Variants in SERPINA5 observed in about 807,000 individuals in gnomAD.
The protein encoded by SERPINA5 is plasma serine protease inhibitor.
SERPINA5 carries 25 observed loss-of-function variants against 25.3 expected under a neutral mutation model. That is an observed-to-expected ratio of 0.99 (90% CI 0.72 to 1.38). The LOEUF (loss-of-function observed/expected upper bound fraction) is 1.38, where lower values mean the gene tolerates loss of function less well. Ranked by LOEUF, SERPINA5 falls within the 40% of genes most tolerant of loss-of-function variation. The probability of loss-of-function intolerance (pLI) is 0.00; values close to 1 mark genes in which losing one functional copy is unlikely to be tolerated. For missense variants in SERPINA5, 599 were observed against 509.5 expected (o/e 1.18, Z -1.69); for synonymous variants, 234 against 206.2 (o/e 1.14, Z -1.16).
In SERPINA5 at chr14:94,590,765, C is replaced by G; in HGVS notation, c.907C>G (p.Leu303Val). 6.2e-7 allele frequency: 1 copy of G among 1,613,888 alleles called. No individual in the cohort carries two copies. Among genetic ancestry groups the G allele is most frequent in the Non-Finnish European group, 8.5e-7 (1 of 1,179,858 alleles). ...CCTTTCCAGGCAGCTCGAGCTTTAC[C>G]TTCCCAAATTCTCCATTGAGGGCTC... is the stretch of plus-strand genomic sequence containing the variant. The part of the protein sequence containing the change: ...MFKKRQLELY[L>V]PKFSIEGSYQ... The change falls in exon 5 of 6, where the codon CTT (leucine) becomes GTT (valine). Residue 303 changes from leucine to valine, a missense_variant. Leu to Val is a conservative substitution (Grantham distance 32, BLOSUM62 1). Coordinates refer to ENST00000329597, the MANE Select transcript of SERPINA5 (RefSeq NM_000624.6).
rs1197464290 is a variant in SERPINA5, at chr14:94,587,915, G to A, written c.553G>A (p.Val185Met). Reference sequence around the variant, plus strand: ...GGCAAAGCAAACGAAGGGCAAGATTGTGGACTTGCTTAAGAACCTCGATAG... The same window carrying A: ...GGCAAAGCAAACGAAGGGCAAGATTATGGACTTGCTTAAGAACCTCGATAG... ...YVAKQTKGKI[V>M]DLLKNLDSNA... Residue 185 changes from valine to methionine, a missense_variant, in exon 3 of 6, where the codon GTG (valine) becomes ATG (methionine). Physicochemically the swap from Val to Met is conservative, Grantham distance 21. Transcript: ENST00000329597. The A allele has an allele frequency of 1.2e-6, 2 of 1,614,122 alleles. No individual in the cohort carries two copies. The highest frequency in any genetic ancestry group is 1.7e-6 in the Non-Finnish European group (2 of 1,180,050).
chr14:94,584,843 C>T (rs996949867), intron 2 of SERPINA5, among the ~76,000 whole-genome samples: 3 of 152,180 alleles, frequency 2.0e-5, no homozygotes, highest in African/African-American at 7.2e-5. Flanking sequence ...GGTTCCAACC[C>T]TTGGCAGGAG....
intron 2 of SERPINA5, among the ~76,000 whole-genome samples, chr14:94,586,528 G>A (rs1200138662): frequency 6.6e-6 from 1 of 152,064 alleles, no homozygotes; most frequent in Non-Finnish European, 1.5e-5. Context: ...ATTGGGTTGG[G>A]GCCCACTCTA....
Position 94,582,084 on chromosome 14 carries a change from G to A in SERPINA5, c.-18+374G>A, listed in dbSNP as rs115420321. 1.5e-3 allele frequency: 234 copies of A among 152,336 alleles called. 1 individual carries two copies. The highest frequency in any genetic ancestry group is 4.4e-3 in the African/African-American group (182 of 41,570). 9.4% of individuals were successfully genotyped at this position (152,336 alleles called of 1,614,324 possible). On this transcript the variant is annotated intron_variant, in intron 2 of 5. Transcript: ENST00000329597. ...CAATGATCCAATATTATCGGCTTCCGTGAGATAAGGGCATCTTGCCTGGAG... is the reference window on the plus strand; with the variant it reads ...CAATGATCCAATATTATCGGCTTCCATGAGATAAGGGCATCTTGCCTGGAG...
intron 2 of SERPINA5, 70 bp from the exon 3 acceptor site, chr14:94,587,276 G>A: frequency 7.3e-7 from 1 of 1,370,730 alleles, no homozygotes; most frequent in Non-Finnish European, 9.9e-7. Flanking sequence ...TGTTGGGTGG[G>A]GACATCTCTG....
intron 3 of SERPINA5, among the ~76,000 whole-genome samples, chr14:94,589,372 T>C (rs939066003): frequency 1.3e-5 from 2 of 151,546 alleles, no homozygotes; most frequent in Non-Finnish European, 2.9e-5. Flanking sequence ...CACTTGAACC[T>C]GGGAGGTGGG....
At chr14:94,584,916 T>C (rs552535435) in intron 2 of SERPINA5, among the ~76,000 whole-genome samples, 6 of 152,306 alleles carry the variant, frequency 3.9e-5, no homozygotes, top group East Asian at 3.9e-4. Flanking sequence ...CACCCACCTA[T>C]GTCCTTCAAA....
Position 94,587,471 on chromosome 14 carries a change from G to A in SERPINA5, c.109G>A (p.Gly37Ser), listed in dbSNP as rs537147547. The change falls in exon 3 of 6, where the codon GGT (glycine) becomes AGT (serine). Residue 37 changes from glycine to serine, a missense_variant. Coordinates refer to ENST00000329597, the MANE Select transcript of SERPINA5 (RefSeq NM_000624.6). Reference sequence around the variant, plus strand: ...GAAGAGAGTCGAGGACCTCCATGTAGGTGCCACGGTGGCCCCCAGCAGCAG... The same window carrying A: ...GAAGAGAGTCGAGGACCTCCATGTAAGTGCCACGGTGGCCCCCAGCAGCAG... ...MKKRVEDLHV[G>S]ATVAPSSRRD... 2.4e-5 allele frequency: 39 copies of A among 1,614,200 alleles called. No individual in the cohort carries two copies. The South Asian group carries it at 4.2e-4, about 17-fold the overall frequency.
At chr14:94,583,354 C>T (rs1232256403) in intron 2 of SERPINA5, among the ~76,000 whole-genome samples, 1 of 152,158 alleles carries the variant, frequency 6.6e-6, no homozygotes, top group Non-Finnish European at 1.5e-5. Flanking sequence ...AAGGCGGCAG[C>T]TTTAAGACCT....
At chr14:94,590,575 G>A in intron 4 of SERPINA5, 174 bp from the exon 5 acceptor site, 1 of 839,850 alleles carries the variant, frequency 1.2e-6, no homozygotes, top group Non-Finnish European at 1.8e-6. Flanking sequence ...AGCAAGGGGA[G>A]GCTCATCCTA....
intron 5 of SERPINA5, 145 bp downstream of exon 5, chr14:94,591,041 A>C: frequency 1.1e-5 from 4 of 360,240 alleles, no homozygotes; most frequent in Non-Finnish European, 1.9e-5. Flanking sequence ...ATTCAATTCC[A>C]CTCCACTCCA....
At chr14:94,590,710 C>T (rs764132453) in intron 4 of SERPINA5, 39 bp from the exon 5 acceptor site, 52 of 1,601,276 alleles carry the variant, frequency 3.2e-5, no homozygotes, top group Admixed American at 6.7e-5. Context: ...TGTGCCAATG[C>T]CCCAGAACAG....
chr14:94,581,765 C>A (rs756324333), intron 2 of SERPINA5, 55 bp downstream of exon 2: 1 of 152,046 alleles, frequency 6.6e-6, no homozygotes, highest in South Asian at 2.1e-4. Context: ...TTAAATACAG[C>A]GGGTGCTCTC....
intron 2 of SERPINA5, among the ~76,000 whole-genome samples, chr14:94,584,940 G>A (rs760542199): frequency 1.3e-5 from 2 of 152,232 alleles, no homozygotes; most frequent in African/African-American, 4.8e-5. Context: ...CTCCAGGCAA[G>A]TGCCATGGTG....
intron 2 of SERPINA5, among the ~76,000 whole-genome samples, chr14:94,586,355 G>A (rs1885083965): frequency 1.3e-5 from 2 of 152,192 alleles, no homozygotes; most frequent in African/African-American, 4.8e-5. Context: ...AACTCTGGAA[G>A]CTGGAAGTCT....
intron 4 of SERPINA5, 107 bp from the exon 5 acceptor site, chr14:94,590,642 T>C: frequency 7.5e-7 from 1 of 1,338,178 alleles, no homozygotes; most frequent in East Asian, 2.4e-5. Context: ...GGAGTCCTTT[T>C]TTAAAACCAT....
rs1885332236 is a variant in SERPINA5 at position 94,592,286 on chromosome 14, G to A, written c.*47G>A. On this transcript the variant is annotated 3_prime_UTR_variant, in exon 6 of 6. Transcript: ENST00000329597. ...TACAGGCCTCAGGGTGGGAGATGAA[G>A]GGGGCTAAGCTATGGCCCATCTGTA... 6.4e-7 allele frequency: 1 copy of A among 1,573,696 alleles called. No homozygotes were observed. Among genetic ancestry groups the A allele is most frequent in the Non-Finnish European group, 8.7e-7 (1 of 1,155,272 alleles).
At chr14:94,582,944 G>C (rs958086730) in intron 2 of SERPINA5, among the ~76,000 whole-genome samples, 2 of 152,202 alleles carry the variant, frequency 1.3e-5, no homozygotes, top group African/African-American at 4.8e-5. Context: ...GCAGAAGTTG[G>C]CCTCAGTGAG....
chr14:94,587,072 G>A (rs761193477), intron 2 of SERPINA5: 162 of 395,690 alleles, frequency 4.1e-4, no homozygotes, highest in Non-Finnish European at 6.8e-4. Flanking sequence ...CCTTGATGTG[G>A]ATGGGTAGAC....
Sources: allele counts gnomAD v4.1 joint callset (sites outside exome capture counted in the v4.1 genomes callset), GRCh38; gene constraint gnomAD v4.1.1; transcripts MANE v1.5; gene names NCBI Gene and HGNC (gene_info 2026-07-23, HGNC 2026-07-21).